EPHB1: variants seen among roughly 807,000 people sequenced by gnomAD.
The protein encoded by EPHB1 is ephrin type-B receptor 1.
A neutral mutation model predicts 94.4 loss-of-function variants in EPHB1; 30 were observed. The ratio of observed to expected loss-of-function variants is 0.32; its 90% CI spans 0.24 to 0.43. The LOEUF (loss-of-function observed/expected upper bound fraction) is 0.43. Among genes scored for constraint, EPHB1 ranks in the 20% least tolerant of loss-of-function variants. The probability of loss-of-function intolerance (pLI) is 1.00; values close to 1 mark genes in which losing one functional copy is unlikely to be tolerated. For missense variants in EPHB1, 1,055 were observed against 1,308.3 expected (o/e 0.81, Z 2.99); for synonymous variants, 522 against 489.1 (o/e 1.07, Z -0.89).
At position 134,955,685 on chromosome 3, in the gene EPHB1, C is replaced by T. The variant is rs899320305; in HGVS notation, c.805+3633C>T. On this transcript the variant is annotated intron_variant, in intron 3 of 15. Coordinates refer to ENST00000398015, the MANE Select transcript of EPHB1 (RefSeq NM_004441.5). ...GACACATGCACACGTATGTTTATTGCGGCACTATTCACAATAGCAAAGACT... is the reference window on the plus strand; with the variant it reads ...GACACATGCACACGTATGTTTATTGTGGCACTATTCACAATAGCAAAGACT... Among the ~76,000 whole-genome samples the T allele has an allele frequency of 1.5e-4, 6 of 40,188 alleles. 1 individual carries two copies. The highest frequency in any genetic ancestry group is 3.6e-4 in the African/African-American group (2 of 5,524). 26.4% of individuals were successfully genotyped at this position (40,188 alleles called of 152,430 possible).
At chr3:134,925,767 C>T (rs1386654731) in intron 1 of EPHB1, 49 bp from the exon 2 acceptor site, 3 of 1,497,254 alleles carry the variant, frequency 2.0e-6, no homozygotes, top group African/African-American at 2.8e-5. Context: ...TATAGCAATC[C>T]TTCTGACTCA....
intron 3 of EPHB1, among the ~76,000 whole-genome samples, chr3:135,042,869 T>G (rs1213614481): frequency 6.6e-6 from 1 of 151,960 alleles, no homozygotes; most frequent in Non-Finnish European, 1.5e-5. Context: ...TGAGACAGAG[T>G]CTCCGTCTGT....
chr3:135,201,411 C>G, intron 11 of EPHB1, 63 bp from the exon 12 acceptor site: 1 of 1,547,758 alleles, frequency 6.5e-7, no homozygotes, highest in South Asian at 1.1e-5. Context: ...GCCACAACAT[C>G]TCTCCCTCTG....
chr3:134,894,191 G>T (rs756892820), intron 1 of EPHB1, among the ~76,000 whole-genome samples: 1 of 152,134 alleles, frequency 6.6e-6, no homozygotes, highest in African/African-American at 2.4e-5. Context: ...AATATTCCTG[G>T]AACTGAGTTG....
At chr3:135,166,217 G>A in intron 8 of EPHB1, 141 bp downstream of exon 8, 1 of 624,084 alleles carries the variant, frequency 1.6e-6, no homozygotes. Flanking sequence ...GAGCAGCCTA[G>A]AATTCTTTAG....
chr3:135,202,102 C>T (rs1452894286), intron 12 of EPHB1, among the ~76,000 whole-genome samples: 1 of 152,120 alleles, frequency 6.6e-6, no homozygotes, highest in Non-Finnish European at 1.5e-5. Flanking sequence ...CTCTTGATCC[C>T]CTTCTCTCTT....
chr3:134,975,731 T>C (rs1934161549), intron 3 of EPHB1, among the ~76,000 whole-genome samples: 1 of 151,926 alleles, frequency 6.6e-6, no homozygotes, highest in African/African-American at 2.4e-5. Flanking sequence ...ACAGTGTTTT[T>C]TTTTTAAACT....
chr3:135,239,593 G>GCAT (rs1943732523), intron 12 of EPHB1, among the ~76,000 whole-genome samples: 1 of 152,180 alleles, frequency 6.6e-6, no homozygotes, highest in Non-Finnish European at 1.5e-5. Context: ...ACTGAAAAGG[G>GCAT]GGGTCATATT....
intron 1 of EPHB1, chr3:134,796,162 A>G (rs1056007788): frequency 4.7e-6 from 1 of 210,648 alleles, no homozygotes; most frequent in Non-Finnish European, 9.5e-6. Context: ...CTCGCAGTCC[A>G]CGGGCTAGTG....
intron 3 of EPHB1, among the ~76,000 whole-genome samples, chr3:134,987,604 AAAAAAT>A (rs1013965089): frequency 2.6e-5 from 4 of 152,016 alleles, no homozygotes; most frequent in Non-Finnish European, 5.9e-5. Context: ...CTAAAAATGC[AAAAAAT>A]AATAATAATA....
chr3:135,053,005 G>GTGTGTGTA (rs1553726812), intron 3 of EPHB1, among the ~76,000 whole-genome samples: 12 of 84,992 alleles, frequency 1.4e-4, no homozygotes, highest in African/African-American at 6.3e-4. Flanking sequence ...ATATGTGTGT[G>GTGTGTGTA]TATATATATG....
intron 3 of EPHB1, among the ~76,000 whole-genome samples, chr3:135,031,259 A>T (rs1185394150): frequency 6.6e-6 from 1 of 152,108 alleles, no homozygotes; most frequent in Non-Finnish European, 1.5e-5. Flanking sequence ...CAAGAAGGTT[A>T]CAAAGAATCC....
chr3:134,960,845 T>G (rs6795875), intron 3 of EPHB1, among the ~76,000 whole-genome samples: 73,917 of 151,878 alleles, frequency 0.49, 18,673 homozygotes, highest in African/African-American at 0.6. Flanking sequence ...GGCTGCAGAA[T>G]GAAATAGGCA....
chr3:135,105,298 C>G (rs1410381737), intron 3 of EPHB1, among the ~76,000 whole-genome samples: 1 of 152,152 alleles, frequency 6.6e-6, no homozygotes, highest in Non-Finnish European at 1.5e-5. Context: ...CTTGAATTCC[C>G]TATGTCATGT....
rs183681277 is a variant in EPHB1 at position 134,856,306 on chromosome 3, T to G, written c.58+60617T>G. ...AAGGTGGCAGTGTATAGGCACCCCA[T>G]GGCCCAATGAACTAGGCAACCCAGC... On this transcript the variant is annotated intron_variant, in intron 1 of 15. Transcript: ENST00000398015. Among the ~76,000 whole-genome samples the G allele has an allele frequency of 1.8e-3, 273 of 152,184 alleles. 3 individuals carry two copies. Among genetic ancestry groups the G allele is most frequent in the Non-Finnish European group, 4.7e-4 (32 of 68,010 alleles).
chr3:135,128,960 C>T (rs1251312401), intron 4 of EPHB1, among the ~76,000 whole-genome samples: 1 of 152,154 alleles, frequency 6.6e-6, no homozygotes, highest in Non-Finnish European at 1.5e-5. Flanking sequence ...ATGTCTGGCT[C>T]TCCTAGCCCT....
chr3:134,983,403 T>A (rs1934481971), intron 3 of EPHB1, among the ~76,000 whole-genome samples: 1 of 152,238 alleles, frequency 6.6e-6, no homozygotes, highest in Non-Finnish European at 1.5e-5. Context: ...TAATTACAGG[T>A]GTAAAATATT....
chr3:134,825,027 T>C (rs550961272), intron 1 of EPHB1, among the ~76,000 whole-genome samples: 1 of 152,384 alleles, frequency 6.6e-6, no homozygotes, highest in South Asian at 2.1e-4. Flanking sequence ...AAAACATTAC[T>C]GTCTCAAGCC....
At chr3:134,845,964 T>G (rs1421142733) in intron 1 of EPHB1, among the ~76,000 whole-genome samples, 1 of 147,188 alleles carries the variant, frequency 6.8e-6, no homozygotes, top group East Asian at 2.0e-4. Flanking sequence ...GGAGGTTTTT[T>G]GTGCCCAGAT....
Sources: gnomAD v4.1 joint callset for allele counts (sites outside exome capture counted in the v4.1 genomes callset) on GRCh38, gnomAD v4.1.1 for gene constraint, MANE v1.5 for transcripts, NCBI Gene and HGNC (gene_info 2026-07-23, HGNC 2026-07-21) for gene names.